Variants in NIBAN1 observed in about 807,000 individuals in gnomAD.
NIBAN1 encodes protein Niban 1.
NIBAN1 carries 81 observed loss-of-function variants against 75.1 expected under a neutral mutation model. That is an observed-to-expected ratio of 1.08 (90% CI 0.90 to 1.30). The LOEUF (loss-of-function observed/expected upper bound fraction) is 1.30, where lower values mean the gene tolerates loss of function less well. NIBAN1 is among the 50% of genes most tolerant of loss of function. The probability of loss-of-function intolerance (pLI) is 0.00; values close to 1 mark genes in which losing one functional copy is unlikely to be tolerated. For synonymous variants in NIBAN1, 436 were observed against 424.8 expected, an observed-to-expected ratio of 1.03 and a Z score of -0.32; for missense variants, 1,133 against 1,128.1, an observed-to-expected ratio of 1.00 and a Z score of -0.06.
rs756893168 is a variant in NIBAN1 at position 184,803,704 on chromosome 1, GA to G, written c.1447-13del. ...TCATAATCATATTGCTGTCAATAAA[GA>G]AACATATGTTAAATAGTAACATTAC... On this transcript the variant is annotated splice_polypyrimidine_tract_variant and intron_variant, in intron 11 of 13. Coordinates refer to ENST00000367511, the MANE Select transcript of NIBAN1 (RefSeq NM_052966.4). 4 of 1,607,030 alleles carry G rather than the reference GA, an allele frequency of 2.5e-6. No individual in the cohort carries two copies. The highest frequency in any genetic ancestry group is 3.4e-6 in the Non-Finnish European group (4 of 1,173,866).
At chr1:184,797,956 C>T in intron 13 of NIBAN1, 123 bp downstream of exon 13, 1 of 507,020 alleles carries the variant, frequency 2.0e-6, no homozygotes, top group Non-Finnish European at 3.5e-6. Flanking sequence ...CACTGTCTGT[C>T]TCCCTCCCTC....
intron 8 of NIBAN1, among the ~76,000 whole-genome samples, chr1:184,822,387 C>T (rs1051063734): frequency 2.0e-5 from 3 of 152,184 alleles, no homozygotes; most frequent in African/African-American, 7.2e-5. Flanking sequence ...CCTTTGTGGT[C>T]CGTAAGGTCT....
chr1:184,857,295 A>G (rs947164852), intron 5 of NIBAN1, among the ~76,000 whole-genome samples: 1 of 152,150 alleles, frequency 6.6e-6, no homozygotes, highest in African/African-American at 2.4e-5. Flanking sequence ...TCTAGCTTCC[A>G]GTGACCTTCC....
Position 184,795,065 on chromosome 1 carries a change from T to C in NIBAN1, c.2699A>G (p.Asn900Ser), listed in dbSNP as rs1438636819. The C allele has an allele frequency of 3.1e-6, 5 of 1,613,982 alleles. No individual in the cohort carries two copies. Among genetic ancestry groups the C allele is most frequent in the Non-Finnish European group, 4.2e-6 (5 of 1,180,020 alleles). Reference protein sequence around the residue: ...ECQWVVEDAPNPDVLLSHKDD... With the variant: ...ECQWVVEDAPSPDVLLSHKDD... ...TTTGTGTGACAGCAGGACATCCGGG[T>C]TTGGAGCATCCTCCACCACCCACTG... The change falls in exon 14 of 14, where the codon AAC becomes AGC. Residue 900 changes from asparagine to serine, a missense_variant. Physicochemically the swap from Asn to Ser is conservative, Grantham distance 46. Coordinates refer to ENST00000367511, the MANE Select transcript of NIBAN1 (RefSeq NM_052966.4).
At chr1:184,815,846 G>T (rs1176217733) in intron 9 of NIBAN1, among the ~76,000 whole-genome samples, 1 of 152,174 alleles carries the variant, frequency 6.6e-6, no homozygotes, top group Non-Finnish European at 1.5e-5. Context: ...GACATCATTT[G>T]TTAGGTCCTT....
intron 1 of NIBAN1, among the ~76,000 whole-genome samples, chr1:184,933,806 T>C (rs1657885328): frequency 6.6e-6 from 1 of 152,240 alleles, no homozygotes; most frequent in Non-Finnish European, 1.5e-5. Context: ...GTTTCAACAC[T>C]CGCTATAGAA....
intron 12 of NIBAN1, among the ~76,000 whole-genome samples, chr1:184,801,434 A>G (rs1391301001): frequency 6.6e-6 from 1 of 152,190 alleles, no homozygotes; most frequent in Non-Finnish European, 1.5e-5. Flanking sequence ...TTGGTGAGCC[A>G]TATCACTGCT....
rs1171070477 is a variant in NIBAN1 at position 184,792,391 on chromosome 1, T to A, written c.*2586A>T. ...ATCCATCCAATGCAGTGAAAGGTAC[T>A]CTCTTTTAGGGTTGAAAAAAATCTC... On this transcript the variant is annotated 3_prime_UTR_variant, in exon 14 of 14. Transcript: ENST00000367511. 6.6e-6 allele frequency: 1 copy of A among 152,446 alleles called. No homozygotes were observed. Among genetic ancestry groups the A allele is most frequent in the African/African-American group, 2.4e-5 (1 of 41,400 alleles). The allele number at this position is 152,446 out of a possible 1,614,324, so 9.4% of individuals were successfully genotyped here.
At chr1:184,970,976 TG>T (rs777844871) in intron 1 of NIBAN1, among the ~76,000 whole-genome samples, 2 of 152,186 alleles carry the variant, frequency 1.3e-5, no homozygotes, top group Non-Finnish European at 2.9e-5. Context: ...TTTAATTTCA[TG>T]CATACCAAAA....
At chr1:184,942,708 A>C (rs1380914854) in intron 1 of NIBAN1, among the ~76,000 whole-genome samples, 1 of 151,698 alleles carries the variant, frequency 6.6e-6, no homozygotes, top group Non-Finnish European at 1.5e-5. Flanking sequence ...AAAAAAAAAA[A>C]AAAAAAAGAA....
intron 1 of NIBAN1, among the ~76,000 whole-genome samples, chr1:184,906,288 T>TGCACACACACACACAC (rs1657101562): frequency 7.3e-6 from 1 of 136,530 alleles, no homozygotes; most frequent in Admixed American, 7.2e-5. Context: ...CACACACACA[T>TGCACACACACACACAC]GCACACACAC....
At chr1:184,940,242 G>A (rs1658055996) in intron 1 of NIBAN1, among the ~76,000 whole-genome samples, 1 of 152,148 alleles carries the variant, frequency 6.6e-6, no homozygotes, top group Non-Finnish European at 1.5e-5. Context: ...CAAAACCCCT[G>A]GATTGCCGGC....
At chr1:184,952,191 A>G (rs1317329521) in intron 1 of NIBAN1, among the ~76,000 whole-genome samples, 1 of 152,190 alleles carries the variant, frequency 6.6e-6, no homozygotes, top group East Asian at 1.9e-4. Flanking sequence ...CTTGAGTCCA[A>G]GAGTTTAAGA....
At chr1:184,869,922 C>T (rs1039832360) in intron 5 of NIBAN1, among the ~76,000 whole-genome samples, 2 of 152,100 alleles carry the variant, frequency 1.3e-5, no homozygotes, top group Non-Finnish European at 2.9e-5. Context: ...TGAATCTTTA[C>T]CAGTAATACA....
At position 184,792,604 on chromosome 1, in the gene NIBAN1, CT is replaced by C. The variant is rs1653728472; in HGVS notation, c.*2372del. 6.5e-6 allele frequency: 1 copy of C among 152,720 alleles called. No individual in the cohort carries two copies. The highest frequency in any genetic ancestry group is 2.4e-5 in the African/African-American group (1 of 41,464). The allele number at this position is 152,720 out of a possible 1,614,324, so 9.5% of individuals were successfully genotyped here. ...GGGCAGTGCATCTGGCCATCTGCCC[CT>C]TGGACTTTGGACTTTACTTAAGAGA... is the stretch of plus-strand genomic sequence containing the variant. On this transcript the variant is annotated 3_prime_UTR_variant, in exon 14 of 14. Transcript: ENST00000367511.
chr1:184,974,318 C>T lies in NIBAN1; in HGVS notation c.39G>A (p.Lys13=). 1 of 1,567,626 alleles carries T rather than the reference C, an allele frequency of 6.4e-7. No homozygotes were observed. Among genetic ancestry groups the T allele is most frequent in the Non-Finnish European group, 8.6e-7 (1 of 1,163,806 alleles). ...CGGGCGTACCTCGGATGTAAGCGCA[C>T]TTGCCCTCGTCCAGCTGGCTGGAGG... ...GSASSQLDEG[K]CAYIRGKTEA... The change falls in exon 1 of 14, where the codon AAG becomes AAA. Residue 13 remains lysine, a synonymous_variant. Coordinates refer to ENST00000367511, the MANE Select transcript of NIBAN1 (RefSeq NM_052966.4).
At chr1:184,950,367 T>G (rs1004048036) in intron 1 of NIBAN1, among the ~76,000 whole-genome samples, 3 of 152,180 alleles carry the variant, frequency 2.0e-5, no homozygotes, top group Non-Finnish European at 2.9e-5. Context: ...ATATAATTTA[T>G]TCCCCAATGT....
At chr1:184,923,980 T>C (rs1657623443) in intron 1 of NIBAN1, among the ~76,000 whole-genome samples, 1 of 150,270 alleles carries the variant, frequency 6.7e-6, no homozygotes, top group African/African-American at 2.4e-5. Context: ...TTTGGTAGAG[T>C]CTTCATATTT....
chr1:184,937,145 C>CTTTTTT (rs138240427), intron 1 of NIBAN1, among the ~76,000 whole-genome samples: 13 of 92,120 alleles, frequency 1.4e-4, no homozygotes, highest in Non-Finnish European at 1.8e-4. Context: ...TAGCTGGATT[C>CTTTTTT]TTTTTTTTTT....
Sources: gnomAD v4.1 joint callset for allele counts (sites outside exome capture counted in the v4.1 genomes callset) on GRCh38, gnomAD v4.1.1 for gene constraint, MANE v1.5 for transcripts, NCBI Gene and HGNC (gene_info 2026-07-23, HGNC 2026-07-21) for gene names.